The following TENM4 variants were observed in gnomAD, a reference collection of about 807,000 sequenced individuals.
TENM4 encodes the protein teneurin-4.
A neutral mutation model predicts 243.3 loss-of-function variants in TENM4; 82 were observed. The ratio of observed to expected loss-of-function variants is 0.34; its 90% CI spans 0.28 to 0.40. The LOEUF is 0.40. Ranked by LOEUF, TENM4 falls within the 10% of genes least tolerant of loss-of-function variation. The pLI, the probability that TENM4 is intolerant of heterozygous loss-of-function variation, is 1.00. For synonymous variants in TENM4, 1,412 were observed against 1,456.3 expected, an observed-to-expected ratio of 0.97 and a Z score of 0.69; for missense variants, 3,138 against 3,673.3, an observed-to-expected ratio of 0.85 and a Z score of 3.77.
intron 7 of TENM4, among the ~76,000 whole-genome samples, chr11:78,901,915 T>A (rs1406619888): frequency 6.6e-6 from 1 of 152,190 alleles, no homozygotes; most frequent in East Asian, 1.9e-4. Context: ...AGGAGTAAAG[T>A]GGTACAAACA....
At chr11:79,374,242 A>G (rs1431416903) in intron 1 of TENM4, among the ~76,000 whole-genome samples, 1 of 152,118 alleles carries the variant, frequency 6.6e-6, no homozygotes, top group Non-Finnish European at 1.5e-5. Flanking sequence ...CATGGCTATT[A>G]ATACATAATT....
At chr11:79,199,178 G>A (rs989011028) in intron 3 of TENM4, among the ~76,000 whole-genome samples, 6 of 152,092 alleles carry the variant, frequency 3.9e-5, no homozygotes, top group East Asian at 1.9e-4. Flanking sequence ...CACTGTACCC[G>A]GTGTGTCTGG....
chr11:78,750,898 G>C (rs1292413426), intron 19 of TENM4, among the ~76,000 whole-genome samples: 1 of 149,082 alleles, frequency 6.7e-6, no homozygotes, highest in Admixed American at 6.6e-5. Flanking sequence ...TCTGTGTTTT[G>C]AGACAGGGTC....
chr11:78,931,506 G>A (rs1856668480), intron 6 of TENM4, among the ~76,000 whole-genome samples: 1 of 152,212 alleles, frequency 6.6e-6, no homozygotes, highest in African/African-American at 2.4e-5. Flanking sequence ...TAAAAGTGAA[G>A]TCAGTAAATA....
At chr11:78,748,649 C>G (rs1856110363) in intron 19 of TENM4, among the ~76,000 whole-genome samples, 1 of 152,196 alleles carries the variant, frequency 6.6e-6, no homozygotes, top group African/African-American at 2.4e-5. Flanking sequence ...ATTACAAGCC[C>G]TATGACCATG....
intron 1 of TENM4, among the ~76,000 whole-genome samples, chr11:79,301,255 A>C (rs1190497690): frequency 6.6e-6 from 1 of 152,158 alleles, no homozygotes; most frequent in African/African-American, 2.4e-5. Flanking sequence ...TTTCCTCACA[A>C]GGCTGCTTCC....
chr11:78,713,914 T>C (rs600801), intron 25 of TENM4, among the ~76,000 whole-genome samples: 63,140 of 151,974 alleles, frequency 0.42, 16,577 homozygotes, highest in African/African-American at 0.75. Context: ...CTGTGCATGG[T>C]CTGAACATTT....
chr11:79,103,420 T>A (rs1337908857), intron 4 of TENM4, among the ~76,000 whole-genome samples: 1 of 152,186 alleles, frequency 6.6e-6, no homozygotes, highest in African/African-American at 2.4e-5. Flanking sequence ...CTGGGGTGCA[T>A]AGAGGTCTAG....
rs367696448 is a variant in TENM4 at position 78,954,804 on chromosome 11, C to A, written c.494-51281G>T. ...TAAATAACCATTTAGGTGGGCACAC[C>A]GCTGTGGCACAGACTAAGACAGTGA... is the stretch of plus-strand genomic sequence containing the variant. On this transcript the variant is annotated intron_variant, in intron 6 of 33. Coordinates refer to ENST00000278550, the MANE Select transcript of TENM4 (RefSeq NM_001098816.3). Among the ~76,000 whole-genome samples, 3 of 152,328 alleles carry A rather than the reference C, an allele frequency of 2.0e-5. No individual in the cohort carries two copies. In the East Asian group the frequency reaches 5.8e-4, roughly 29 times the overall value.
intron 4 of TENM4, among the ~76,000 whole-genome samples, chr11:79,145,393 T>C: frequency 6.6e-6 from 1 of 152,038 alleles, no homozygotes; most frequent in East Asian, 1.9e-4. Flanking sequence ...TCCTTCCCAT[T>C]TACCAACTCC....
chr11:79,372,391 C>A (rs1857805829), intron 1 of TENM4, among the ~76,000 whole-genome samples: 1 of 152,196 alleles, frequency 6.6e-6, no homozygotes, highest in Non-Finnish European at 1.5e-5. Flanking sequence ...TTTGCTGTGT[C>A]AGAACCACAC....
intron 2 of TENM4, among the ~76,000 whole-genome samples, chr11:79,257,903 AG>A (rs1240468882): frequency 6.6e-6 from 1 of 152,234 alleles, no homozygotes; most frequent in Non-Finnish European, 1.5e-5. Flanking sequence ...AATGTTCAAA[AG>A]ACTTGTCACG....
chr11:78,919,655 C>G (rs938603940), intron 6 of TENM4, among the ~76,000 whole-genome samples: 7 of 152,076 alleles, frequency 4.6e-5, no homozygotes, highest in African/African-American at 1.2e-4. Flanking sequence ...GAAACAGGGT[C>G]AGGAGGGATT....
chr11:78,984,103 A>G (rs947352875), intron 6 of TENM4, among the ~76,000 whole-genome samples: 1 of 152,132 alleles, frequency 6.6e-6, no homozygotes, highest in Admixed American at 6.5e-5. Flanking sequence ...AAATGAGGGA[A>G]GCAGGCTAGA....
At position 78,708,421 on chromosome 11, in the gene TENM4, G is replaced by A. The variant is rs771575360; in HGVS notation, c.4149C>T (p.Gly1383=). 9.7e-5 allele frequency: 156 copies of A among 1,613,940 alleles called. No individual in the cohort carries two copies. The highest frequency in any genetic ancestry group is 1.8e-5 in the Non-Finnish European group (21 of 1,179,916). ...GCCGGGCTGATGTGAGATCATTAGA[G>A]CCGAGCAGGGTGGAGATGATCCCAT... The part of the protein sequence containing the change: ...DQNGIISTLL[G]SNDLTSARPL... The change falls in exon 27 of 34, where the codon GGC becomes GGT. Residue 1383 remains glycine (G), a synonymous_variant. Coordinates refer to ENST00000278550, the MANE Select transcript of TENM4 (RefSeq NM_001098816.3).
At chr11:79,002,194 C>T (rs554270504) in intron 6 of TENM4, among the ~76,000 whole-genome samples, 27 of 152,344 alleles carry the variant, frequency 1.8e-4, no homozygotes, top group Admixed American at 1.2e-3. Context: ...CTTCTGTAAA[C>T]GTGTGCACAG....
intron 1 of TENM4, among the ~76,000 whole-genome samples, chr11:79,376,205 C>A (rs1006012726): frequency 5.9e-5 from 9 of 152,220 alleles, no homozygotes; most frequent in African/African-American, 1.9e-4. Context: ...CTTGCAGAAG[C>A]TGTCCCTTCT....
chr11:78,703,193 T>A lies in TENM4; in HGVS notation c.4210-790A>T, dbSNP rs866983618. On this transcript the variant is annotated intron_variant, in intron 27 of 33. Coordinates refer to ENST00000278550, the MANE Select transcript of TENM4 (RefSeq NM_001098816.3). ...TTTTGAAAAGCTTCCTGAGTGATCCTGATGTGGGCTTGAGAATCATGACTG... is the reference window on the plus strand; with the variant it reads ...TTTTGAAAAGCTTCCTGAGTGATCCAGATGTGGGCTTGAGAATCATGACTG... 7.5e-4 allele frequency among the ~76,000 whole-genome samples: 115 copies of A among 152,330 alleles called. 1 individual carries two copies. Among genetic ancestry groups the A allele is most frequent in the African/African-American group, 2.6e-3 (109 of 41,566 alleles).
chr11:79,399,257 G>A (rs975403331), intron 1 of TENM4, among the ~76,000 whole-genome samples: 5 of 152,184 alleles, frequency 3.3e-5, no homozygotes, highest in African/African-American at 1.2e-4. Context: ...CTTTCAATGA[G>A]CAGAAATCTA....
Sources: allele counts gnomAD v4.1 joint callset (sites outside exome capture counted in the v4.1 genomes callset), GRCh38; gene constraint gnomAD v4.1.1; transcripts MANE v1.5; gene names NCBI Gene and HGNC (gene_info 2026-07-23, HGNC 2026-07-21).